The following RPS6KA3 variants were observed in gnomAD, a reference collection of about 807,000 sequenced individuals.
RPS6KA3 encodes the protein ribosomal protein S6 kinase alpha-3.
A neutral mutation model predicts 67.2 loss-of-function variants in RPS6KA3; 4 were observed. That is an observed-to-expected ratio of 0.06 (90% CI 0.03 to 0.14). The LOEUF (loss-of-function observed/expected upper bound fraction) is 0.14. Ranked by LOEUF, RPS6KA3 falls within the 10% of genes least tolerant of loss-of-function variation. The pLI, the probability that RPS6KA3 is intolerant of heterozygous loss-of-function variation, is 1.00. For synonymous variants in RPS6KA3, 182 were observed against 183.7 expected (o/e 0.99, Z 0.07); for missense variants, 204 against 559.0 (o/e 0.36, Z 6.40).
At chrX:20,174,245 G>A (rs1403331521) in intron 14 of RPS6KA3, among the ~76,000 whole-genome samples, 7 of 111,590 alleles carry the variant, frequency 6.3e-5, no homozygotes. Context: ...CCTGAAGGAG[G>A]CAGAGGGTGA....
At chrX:20,257,627 T>C (rs2070109693) in intron 1 of RPS6KA3, among the ~76,000 whole-genome samples, 1 of 112,364 alleles carries the variant, frequency 8.9e-6, no homozygotes, top group Non-Finnish European at 1.9e-5. Flanking sequence ...TATTTCAAAA[T>C]GCACCAATCC....
intron 15 of RPS6KA3, 121 bp downstream of exon 15, chrX:20,172,625 G>C (rs2067600065): frequency 7.1e-6 from 4 of 559,538 alleles, no homozygotes; most frequent in Admixed American, 6.2e-5. Flanking sequence ...TCACTAGCCA[G>C]ATATTTAACT....
At chrX:20,243,847 A>T (rs924387790) in intron 1 of RPS6KA3, among the ~76,000 whole-genome samples, 12 of 111,410 alleles carry the variant, frequency 1.1e-4, no homozygotes, top group Non-Finnish European at 1.7e-4. Flanking sequence ...TTCCATAGTA[A>T]GAGTGCAGAG....
At chrX:20,255,423 C>A (rs1324131817) in intron 1 of RPS6KA3, among the ~76,000 whole-genome samples, 1 of 111,571 alleles carries the variant, frequency 9.0e-6, no homozygotes, top group Non-Finnish European at 1.9e-5. Context: ...GCTGCACAAC[C>A]TTGGGAATAT....
chrX:20,169,704 G>A (rs1389102046), intron 15 of RPS6KA3: 5 of 447,389 alleles, frequency 1.1e-5, no homozygotes, highest in Non-Finnish European at 1.6e-5. Flanking sequence ...CTCATGAGTC[G>A]CATTCCCACC....
At position 20,157,574 on chromosome X, in the gene RPS6KA3, G is replaced by A. The variant is rs753344745; in HGVS notation, c.1960-1325C>T. The stretch of plus-strand genomic sequence containing the variant: ...TTCAGTTCAGTGAAGGAGAGATAAA[G>A]AATCAATAATCACAAAGCAAGTAAG... On this transcript the variant is annotated intron_variant, in intron 20 of 21. Transcript: ENST00000379565. Among the ~76,000 whole-genome samples the A allele has an allele frequency of 7.3e-5, 8 of 109,491 alleles. No homozygotes were observed. The South Asian group carries it at 3.1e-3, about 43-fold the overall frequency.
At chrX:20,252,057 A>G (rs2069888113) in intron 1 of RPS6KA3, among the ~76,000 whole-genome samples, 2 of 111,550 alleles carry the variant, frequency 1.8e-5, no homozygotes, top group South Asian at 7.4e-4. Context: ...TTTATCTCCA[A>G]TGTTATTCTT....
chrX:20,220,879 T>C (rs776141504), intron 2 of RPS6KA3, among the ~76,000 whole-genome samples: 1 of 111,881 alleles, frequency 8.9e-6, no homozygotes, highest in Non-Finnish European at 1.9e-5. Flanking sequence ...TGTTAGGATA[T>C]ATGGCTACCT....
At chrX:20,178,607 G>T in intron 10 of RPS6KA3, among the ~76,000 whole-genome samples, 1 of 99,817 alleles carries the variant, frequency 1.0e-5, no homozygotes, top group East Asian at 3.1e-4. Flanking sequence ...CAAGTAGTTG[G>T]GATTACAGGT....
intron 17 of RPS6KA3, among the ~76,000 whole-genome samples, chrX:20,166,567 C>T (rs1437293369): frequency 9.0e-6 from 1 of 110,566 alleles, no homozygotes; most frequent in Non-Finnish European, 1.9e-5. Context: ...TGTTGTATAC[C>T]ATGAATATAC....
intron 16 of RPS6KA3, 115 bp downstream of exon 16, chrX:20,169,287 A>G (rs2067516969): frequency 3.5e-6 from 2 of 575,170 alleles, no homozygotes; most frequent in African/African-American, 4.4e-5. Flanking sequence ...GGCGTGGGCC[A>G]CTGTGCCCAG....
At chrX:20,199,247 A>G (rs756630748) in intron 4 of RPS6KA3, among the ~76,000 whole-genome samples, 22 of 112,241 alleles carry the variant, frequency 2.0e-4, no homozygotes, top group African/African-American at 6.5e-4. Flanking sequence ...CATTCAAAAT[A>G]TCAAGAGAAG....
chrX:20,167,812 A>C, intron 16 of RPS6KA3, 65 bp from the exon 17 acceptor site: 1 of 716,611 alleles, frequency 1.4e-6, no homozygotes. Flanking sequence ...ACGAAGTTTA[A>C]AATATAAAGG....
intron 15 of RPS6KA3, 107 bp downstream of exon 15, chrX:20,172,639 T>G: frequency 1.4e-6 from 1 of 692,954 alleles, no homozygotes; most frequent in East Asian, 3.6e-5. Context: ...TTTAACTTTT[T>G]TATAACAAAA....
intron 7 of RPS6KA3, among the ~76,000 whole-genome samples, chrX:20,191,117 A>G (rs1329764867): frequency 9.0e-6 from 1 of 110,725 alleles, no homozygotes. Context: ...GAGAACATGC[A>G]GTGTTTGATT....
intron 1 of RPS6KA3, among the ~76,000 whole-genome samples, chrX:20,262,525 G>A (rs1446711835): frequency 8.9e-6 from 1 of 111,979 alleles, no homozygotes; most frequent in Admixed American, 9.5e-5. Flanking sequence ...AATGCATCCA[G>A]CAAGTTTCAC....
intron 2 of RPS6KA3, among the ~76,000 whole-genome samples, chrX:20,210,269 A>C (rs983262675): frequency 3.6e-5 from 4 of 112,285 alleles, no homozygotes; most frequent in African/African-American, 1.3e-4. Flanking sequence ...GGTATGTTAT[A>C]GTCAAAAATT....
intron 3 of RPS6KA3, among the ~76,000 whole-genome samples, chrX:20,204,539 C>A (rs1020232736): frequency 8.9e-6 from 1 of 112,075 alleles, no homozygotes; most frequent in African/African-American, 3.2e-5. Context: ...CAAGTATTCA[C>A]TGATGGAGGG....
intron 19 of RPS6KA3, among the ~76,000 whole-genome samples, chrX:20,162,375 G>T (rs2067325812): frequency 9.3e-6 from 1 of 107,003 alleles, no homozygotes. Flanking sequence ...AACATGACAA[G>T]AGTACAAAAA....
Sources: allele counts gnomAD v4.1 joint callset (sites outside exome capture counted in the v4.1 genomes callset), GRCh38; gene constraint gnomAD v4.1.1; transcripts MANE v1.5; gene names NCBI Gene and HGNC (gene_info 2026-07-23, HGNC 2026-07-21).